PARD3B: variants seen among roughly 807,000 people sequenced by gnomAD.
PARD3B encodes the protein par-3 family cell polarity regulator beta, also known as partitioning defective 3 homolog B.
In PARD3B, 103 loss-of-function variants were observed where a neutral mutation model predicts 130.2. The ratio of observed to expected loss-of-function variants is 0.79; its 90% confidence interval spans 0.67 to 0.93. PARD3B has a LOEUF of 0.93. Ranked by LOEUF, PARD3B falls within the 40% of genes least tolerant of loss-of-function variation. The probability of loss-of-function intolerance (pLI) is 0.00; values close to 1 mark genes in which losing one functional copy is unlikely to be tolerated. For synonymous variants in PARD3B, 583 were observed against 553.2 expected, an observed-to-expected ratio of 1.05 and a Z score of -0.76; for missense variants, 1,609 against 1,499.2, an observed-to-expected ratio of 1.07 and a Z score of -1.21.
intron 3 of PARD3B, among the ~76,000 whole-genome samples, chr2:205,024,996 A>G (rs1361773350): frequency 6.6e-6 from 1 of 152,160 alleles, no homozygotes; most frequent in Non-Finnish European, 1.5e-5. Flanking sequence ...TGCCACCAAG[A>G]GAAGATGACC....
At chr2:204,884,774 C>T (rs1164787735) in intron 2 of PARD3B, among the ~76,000 whole-genome samples, 1 of 152,164 alleles carries the variant, frequency 6.6e-6, no homozygotes, top group Non-Finnish European at 1.5e-5. Flanking sequence ...AGGATAACGG[C>T]TTGTGGTCCA....
chr2:205,271,119 G>C (rs1000967252), intron 16 of PARD3B, among the ~76,000 whole-genome samples: 1 of 152,182 alleles, frequency 6.6e-6, no homozygotes, highest in Middle Eastern at 3.2e-3. Flanking sequence ...TACCTGAAGT[G>C]TACCTTAAAT....
intron 22 of PARD3B, 98 bp from the exon 23 acceptor site, chr2:205,615,358 G>A (rs1364848376): frequency 1.7e-5 from 17 of 972,050 alleles, no homozygotes; most frequent in Non-Finnish European, 2.5e-5. Context: ...GACCTATGCG[G>A]TGGCCACACC....
chr2:205,541,185 T>C (rs896680783), intron 21 of PARD3B, among the ~76,000 whole-genome samples: 10 of 152,172 alleles, frequency 6.6e-5, no homozygotes, highest in Non-Finnish European at 1.2e-4. Flanking sequence ...ACCTGTACGC[T>C]AAGATTTAGA....
At chr2:205,144,134 A>G (rs938206298) in intron 10 of PARD3B, among the ~76,000 whole-genome samples, 2 of 152,234 alleles carry the variant, frequency 1.3e-5, no homozygotes, top group East Asian at 3.8e-4. Context: ...ATAAGATGTT[A>G]GCAGATATCA....
intron 2 of PARD3B, among the ~76,000 whole-genome samples, chr2:204,701,002 G>A (rs971864885): frequency 9.2e-5 from 14 of 152,008 alleles, no homozygotes; most frequent in African/African-American, 3.4e-4. Flanking sequence ...ATTATTAAAA[G>A]TTGGGCATAT....
rs987337580 is a variant in PARD3B, at chr2:205,473,971, A to G, written c.3045-25925A>G. Among the ~76,000 whole-genome samples the G allele has an allele frequency of 6.6e-6, 1 of 151,536 alleles. No individual in the cohort carries two copies. ...AGAGTAACTCATATTGGTAGGTTTC[A>G]TTATGGGTCATAAAGCACTGTCATA... On this transcript the variant is annotated intron_variant, in intron 20 of 22. Coordinates refer to ENST00000406610, the MANE Select transcript of PARD3B (RefSeq NM_001302769.2). This position sits in a 1 kb window ranked among gnomAD's most constrained non-coding sequence, Gnocchi z 4.9.
intron 3 of PARD3B, among the ~76,000 whole-genome samples, chr2:205,018,634 A>G (rs1696340950): frequency 6.7e-6 from 1 of 148,650 alleles, no homozygotes. Flanking sequence ...TTGCCTCATC[A>G]GGAGAGCCTC....
At chr2:205,109,881 T>G (rs926278845) in intron 5 of PARD3B, among the ~76,000 whole-genome samples, 3 of 152,070 alleles carry the variant, frequency 2.0e-5, no homozygotes, top group Non-Finnish European at 4.4e-5. Context: ...CTCGAACTTC[T>G]GACCTCAAGT....
In PARD3B at chr2:205,121,734, A is replaced by G. The variant is rs34751010; in HGVS notation, c.950A>G (p.Lys317Arg). Residue 317 changes from lysine (K) to arginine (R), a missense_variant, in exon 8 of 23, where the codon AAA (lysine) becomes AGA (arginine). Transcript: ENST00000406610. The surrounding 1 kb of genome is among the most constrained non-coding windows in gnomAD (Gnocchi z 5.0). ...FGNNDGVLKTKVPPPVHGKSG... is the reference protein window; with the variant it reads ...FGNNDGVLKTRVPPPVHGKSG... ...AATAATGATGGCGTTTTGAAAACCAAAGTGCCGCCTCCTGTCCATGGAAAA... is the reference window on the plus strand; with the variant it reads ...AATAATGATGGCGTTTTGAAAACCAGAGTGCCGCCTCCTGTCCATGGAAAA... 9.4e-3 allele frequency: 15,099 copies of G among 1,614,114 alleles called. 102 individuals are homozygous for G. Among genetic ancestry groups the G allele is most frequent in the Admixed American group, 9.7e-3 (585 of 60,018 alleles).
At chr2:205,167,161 C>A (rs528185623) in intron 11 of PARD3B, among the ~76,000 whole-genome samples, 4 of 152,220 alleles carry the variant, frequency 2.6e-5, no homozygotes, top group African/African-American at 4.8e-5. Flanking sequence ...TTAAGCCACA[C>A]AACATTGCCA....
At chr2:205,001,256 T>C (rs559020367) in intron 3 of PARD3B, among the ~76,000 whole-genome samples, 24 of 152,340 alleles carry the variant, frequency 1.6e-4, no homozygotes, top group Non-Finnish European at 3.4e-4. Flanking sequence ...CCCAAAATGC[T>C]GGAAATACAG....
intron 10 of PARD3B, among the ~76,000 whole-genome samples, chr2:205,154,701 G>A (rs1252473804): frequency 2.0e-5 from 3 of 152,192 alleles, no homozygotes; most frequent in East Asian, 3.9e-4. Context: ...ATACACTATG[G>A]AATACTATGC....
chr2:204,989,500 A>C (rs1344987464), intron 3 of PARD3B, among the ~76,000 whole-genome samples: 2 of 152,170 alleles, frequency 1.3e-5, no homozygotes, highest in African/African-American at 4.8e-5. Context: ...CAACGCAGTG[A>C]GCACCCATGT....
chr2:205,448,219 TTTA>T (rs1156988989), intron 20 of PARD3B, among the ~76,000 whole-genome samples: 1 of 152,130 alleles, frequency 6.6e-6, no homozygotes, highest in African/African-American at 2.4e-5. Flanking sequence ...GTCTATTGAG[TTTA>T]TGATTGCTTT....
chr2:205,104,571 A>C, intron 5 of PARD3B, 57 bp downstream of exon 5: 1 of 1,167,830 alleles, frequency 8.6e-7, no homozygotes, highest in South Asian at 1.3e-5. Flanking sequence ...TGTGTTTTTT[A>C]ATAGTTTATA....
chr2:204,694,147 G>A (rs892060877), intron 2 of PARD3B, among the ~76,000 whole-genome samples: 1 of 151,930 alleles, frequency 6.6e-6, no homozygotes, highest in Admixed American at 6.6e-5. Context: ...CACTATATAC[G>A]TGTAAAAAAT....
intron 11 of PARD3B, among the ~76,000 whole-genome samples, chr2:205,166,985 C>T (rs1186120819): frequency 1.3e-5 from 2 of 152,188 alleles, no homozygotes; most frequent in Non-Finnish European, 2.9e-5. Context: ...AGCCAGCTAC[C>T]CCTGGGAAAG....
Position 205,121,933 on chromosome 2 carries a change from G to A in PARD3B, c.1149G>A (p.Lys383=), listed in dbSNP as rs773331415. The stretch of plus-strand genomic sequence containing the variant: ...GCAATAAAAATGCAAAGAAAATTAA[G>A]ATTGACCTAAAGAAAGGTAATTATT... ...FGSNKNAKKI[K]IDLKKGPEGL... The change falls in exon 8 of 23, where the codon AAG becomes AAA. Residue 383 remains lysine (K), a synonymous_variant. Transcript: ENST00000406610. This position sits in a 1 kb window ranked among gnomAD's most constrained non-coding sequence, Gnocchi z 5.0. The A allele has an allele frequency of 2.1e-4, 334 of 1,606,628 alleles. No homozygotes were observed. The highest frequency in any genetic ancestry group is 2.7e-4 in the Non-Finnish European group (319 of 1,175,120).
Sources: gnomAD v4.1 joint callset for allele counts (sites outside exome capture counted in the v4.1 genomes callset) on GRCh38, gnomAD v4.1.1 for gene constraint, Gnocchi (gnomAD v3.1) non-coding constraint, MANE v1.5 for transcripts, NCBI Gene and HGNC (gene_info 2026-07-23, HGNC 2026-07-21) for gene names.